Variants in ZUP1 observed in about 807,000 individuals in gnomAD.
ZUP1 encodes the protein zinc finger-containing ubiquitin peptidase 1.
Under a neutral mutation model 68.1 loss-of-function variants are expected in ZUP1, and 55 were observed. The observed-to-expected ratio is 0.81, with a 90% CI of 0.65 to 1.01. ZUP1 has a LOEUF of 1.01. Ranked by LOEUF, ZUP1 falls within the 50% of genes least tolerant of loss-of-function variation. ZUP1 has a pLI of 0.00. For synonymous variants in ZUP1, 223 were observed against 221.5 expected, an observed-to-expected ratio of 1.01 and a Z score of -0.06; for missense variants, 684 against 674.9, an observed-to-expected ratio of 1.01 and a Z score of -0.15.
chr6:116,638,162 C>G (rs529178095), intron 9 of ZUP1, among the ~76,000 whole-genome samples: 1 of 151,800 alleles, frequency 6.6e-6, no homozygotes, highest in African/African-American at 2.4e-5. Context: ...ACAGTCCTTT[C>G]CCCCATGATC....
intron 5 of ZUP1, among the ~76,000 whole-genome samples, chr6:116,653,095 A>G (rs1237447009): frequency 3.3e-5 from 5 of 152,066 alleles, no homozygotes; most frequent in Admixed American, 6.5e-5. Flanking sequence ...GACCCCAACT[A>G]TAACAAGTGC....
intron 5 of ZUP1, 70 bp from the exon 6 acceptor site, chr6:116,652,262 T>G: frequency 8.1e-7 from 1 of 1,231,328 alleles, no homozygotes; most frequent in South Asian, 1.4e-5. Context: ...ATTTTTAATA[T>G]CAACCTCTCC....
chr6:116,644,921 A>C (rs1265774870), intron 9 of ZUP1, among the ~76,000 whole-genome samples: 1 of 151,992 alleles, frequency 6.6e-6, no homozygotes, highest in East Asian at 1.9e-4. Context: ...AAATCAGCTC[A>C]TGAATGATAT....
In ZUP1 at chr6:116,635,842, T is replaced by C. The variant is rs1445905027; in HGVS notation, c.1727A>G (p.Lys576Arg). 2 of 1,597,946 alleles carry C rather than the reference T, an allele frequency of 1.3e-6. No individual in the cohort carries two copies. Among genetic ancestry groups the C allele is most frequent in the Non-Finnish European group, 1.7e-6 (2 of 1,175,390 alleles). ...RQASQVFTAE[K>R]IP ...TAAATGCTTGATTCTTCAAGGAATCTTCTCGGCTGTAAAGACTTGAGAAGC... is the reference window on the plus strand; with the variant it reads ...TAAATGCTTGATTCTTCAAGGAATCCTCTCGGCTGTAAAGACTTGAGAAGC... Residue 576 changes from lysine (K) to arginine (R), a missense_variant, in exon 10 of 10, where the codon AAG (lysine) becomes AGG (arginine). Physicochemically the swap from Lys to Arg is conservative, Grantham distance 26. Coordinates refer to ENST00000368576, the MANE Select transcript of ZUP1 (RefSeq NM_145062.3).
intron 9 of ZUP1, among the ~76,000 whole-genome samples, chr6:116,639,339 T>C (rs972876070): frequency 9.2e-5 from 14 of 152,298 alleles, no homozygotes; most frequent in Admixed American, 6.5e-4. Flanking sequence ...AGAGCAGTGG[T>C]TCCCCCAGCA....
At chr6:116,668,203 TA>T (rs1241108818) in intron 1 of ZUP1, among the ~76,000 whole-genome samples, 1 of 152,184 alleles carries the variant, frequency 6.6e-6, no homozygotes, top group East Asian at 1.9e-4. Context: ...GACAAATGGA[TA>T]CAGTCTCTGA....
intron 9 of ZUP1, among the ~76,000 whole-genome samples, chr6:116,643,843 C>T (rs1237760597): frequency 6.6e-6 from 1 of 152,164 alleles, no homozygotes; most frequent in Non-Finnish European, 1.5e-5. Context: ...CAAATGGGAT[C>T]TAATTAAACT....
Position 116,658,808 on chromosome 6 carries a change from G to C in ZUP1, c.787C>G (p.Leu263Val). The part of the protein sequence containing the change: ...SRQEIEEFQK[L>V]QRQYGLDNSG... ...ATTGTTATTAATCTTTGTACCTGCA[G>C]CTTCTGAAATTCTTCTATTTCTTGT... Residue 263 changes from leucine to valine, a missense_variant, in exon 4 of 10, where the codon CTG (leucine) becomes GTG (valine). Coordinates refer to ENST00000368576, the MANE Select transcript of ZUP1 (RefSeq NM_145062.3). 6.3e-7 allele frequency: 1 copy of C among 1,575,900 alleles called. No individual in the cohort carries two copies. Among genetic ancestry groups the C allele is most frequent in the South Asian group, 1.1e-5 (1 of 88,352 alleles).
intron 6 of ZUP1, 129 bp downstream of exon 6, chr6:116,651,875 C>G: frequency 1.4e-6 from 2 of 1,410,394 alleles, no homozygotes; most frequent in Non-Finnish European, 1.9e-6. Flanking sequence ...TTCTCTTCCT[C>G]TAACCAGAAT....
chr6:116,645,370 T>C (rs761015784), intron 9 of ZUP1, among the ~76,000 whole-genome samples: 6 of 151,772 alleles, frequency 4.0e-5, no homozygotes, highest in Non-Finnish European at 7.4e-5. Flanking sequence ...CGCTTGAGCC[T>C]AGGAGTTTGA....
At chr6:116,636,252 T>C (rs912348376) in intron 9 of ZUP1, among the ~76,000 whole-genome samples, 4 of 152,162 alleles carry the variant, frequency 2.6e-5, no homozygotes, top group African/African-American at 9.7e-5. Context: ...TATCCCTCAT[T>C]ATAGTCTTAA....
intron 8 of ZUP1, chr6:116,646,367 T>C (rs1474747040): frequency 6.5e-6 from 1 of 154,832 alleles, no homozygotes; most frequent in Non-Finnish European, 1.4e-5. Context: ...ATTCCTAACA[T>C]TTACTTCTGT....
intron 2 of ZUP1, among the ~76,000 whole-genome samples, chr6:116,661,456 T>G (rs958396072): frequency 1.3e-5 from 2 of 152,140 alleles, no homozygotes; most frequent in African/African-American, 4.8e-5. Context: ...ATATGGGTTT[T>G]TAGGACTAAA....
intron 9 of ZUP1, among the ~76,000 whole-genome samples, chr6:116,637,977 A>C (rs1775952630): frequency 6.7e-6 from 1 of 150,028 alleles, no homozygotes; most frequent in Non-Finnish European, 1.5e-5. Flanking sequence ...CAGGAGAATC[A>C]CTTGAACTGG....
At position 116,667,092 on chromosome 6, in the gene ZUP1, C is replaced by T. The variant is rs752542796; in HGVS notation, c.101G>A (p.Cys34Tyr). ...HMESEIICPF[C>Y]KLSGVNYDEM... ...ATCATAATTCACACCTGACAACTTG[C>T]AAAATGGACATATAATTTCACTTTC... The change falls in exon 2 of 10, where the codon TGC (cysteine) becomes TAC (tyrosine). Residue 34 changes from cysteine to tyrosine, a missense_variant. By Grantham distance (194) the Cys-to-Tyr change is radical (BLOSUM62 -2). Transcript: ENST00000368576. 25 of 1,613,546 alleles carry T rather than the reference C, an allele frequency of 1.5e-5. No homozygotes were observed. The highest frequency in any genetic ancestry group is 1.9e-5 in the Non-Finnish European group (23 of 1,179,830).
intron 7 of ZUP1, among the ~76,000 whole-genome samples, 191 bp from the exon 8 acceptor site, chr6:116,647,801 T>A (rs1383578321): frequency 6.6e-6 from 1 of 152,174 alleles, no homozygotes; most frequent in Non-Finnish European, 1.5e-5. Flanking sequence ...GGATAACTAT[T>A]TAACAATTCT....
At chr6:116,643,033 T>A (rs1277869961) in intron 9 of ZUP1, among the ~76,000 whole-genome samples, 1 of 151,726 alleles carries the variant, frequency 6.6e-6, no homozygotes, top group Non-Finnish European at 1.5e-5. Flanking sequence ...AGCATTCTTA[T>A]ACACCAATAA....
At position 116,645,809 on chromosome 6, in the gene ZUP1, T is replaced by G. The variant is rs1434618506; in HGVS notation, c.1594A>C (p.Ser532Arg). The change falls in exon 9 of 10, where the codon AGT becomes CGT. Residue 532 changes from serine to arginine, a missense_variant. Physicochemically the swap from Ser to Arg is moderately radical, Grantham distance 110. Transcript: ENST00000368576. The stretch of plus-strand genomic sequence containing the variant: ...ATAGATTTCCGAAGTTGCTTGAGAC[T>G]GCTAGCCTCTATGTCTTGCTTTAAT... ...KLLKQDIEAS[S>R]LKQLRKSMGN... 6.2e-7 allele frequency: 1 copy of G among 1,614,002 alleles called. No individual in the cohort carries two copies. The highest frequency in any genetic ancestry group is 8.5e-7 in the Non-Finnish European group (1 of 1,179,940).
chr6:116,649,389 C>A (rs1222669927), intron 7 of ZUP1, among the ~76,000 whole-genome samples: 5 of 151,914 alleles, frequency 3.3e-5, no homozygotes, highest in African/African-American at 1.2e-4. Flanking sequence ...ATGATTTAAA[C>A]ACCCAAGGAC....
Sources: allele counts gnomAD v4.1 joint callset (sites outside exome capture counted in the v4.1 genomes callset), GRCh38; gene constraint gnomAD v4.1.1; transcripts MANE v1.5; gene names NCBI Gene and HGNC (gene_info 2026-07-23, HGNC 2026-07-21).